Variants in TAFA1 observed in about 807,000 individuals in gnomAD.
TAFA1 encodes chemokine-like protein TAFA-1.
In TAFA1, 4 loss-of-function variants were observed where a neutral mutation model predicts 18.5. The ratio of observed to expected loss-of-function variants is 0.22; its 90% CI spans 0.11 to 0.49. The LOEUF is 0.49. Among genes scored for constraint, TAFA1 ranks in the 20% least tolerant of loss-of-function variants. TAFA1 has a pLI of 0.98. For synonymous variants in TAFA1, 56 were observed against 55.2 expected, an observed-to-expected ratio of 1.01 and a Z score of -0.06; for missense variants, 147 against 169.0, an observed-to-expected ratio of 0.87 and a Z score of 0.72.
At chr3:68,268,573 GAAA>G in intron 2 of TAFA1, among the ~76,000 whole-genome samples, 1 of 152,164 alleles carries the variant, frequency 6.6e-6, no homozygotes, top group African/African-American at 2.4e-5. Context: ...AATGAAAGGT[GAAA>G]GGGATAGCAA....
At chr3:68,369,368 A>C (rs1418470220) in intron 2 of TAFA1, among the ~76,000 whole-genome samples, 1 of 152,252 alleles carries the variant, frequency 6.6e-6, no homozygotes, top group Non-Finnish European at 1.5e-5. Context: ...CTGGCATTAT[A>C]TCTCAATACA....
intron 3 of TAFA1, among the ~76,000 whole-genome samples, chr3:68,520,186 C>G (rs1237313599): frequency 6.6e-6 from 1 of 152,060 alleles, no homozygotes; most frequent in Non-Finnish European, 1.5e-5. Flanking sequence ...AAATTCAGAG[C>G]ATGAGAAAAA....
intron 2 of TAFA1, among the ~76,000 whole-genome samples, chr3:68,216,751 A>T (rs1057318524): frequency 2.0e-5 from 3 of 152,078 alleles, no homozygotes; most frequent in Admixed American, 2.0e-4. Flanking sequence ...AAAAGGCTCA[A>T]AAAAGACATC....
chr3:68,495,998 C>CA lies in TAFA1; in HGVS notation c.260-42729dup, dbSNP rs199520960. On this transcript the variant is annotated intron_variant, in intron 3 of 4. Transcript: ENST00000478136. ...GATAGTGAACCTTCTTTCCCTGAAG[C>CA]AAAAAAAAAAAAAAAAAAAAAAAAA... Among the ~76,000 whole-genome samples, 212 of 107,492 alleles carry CA rather than the reference C, an allele frequency of 2.0e-3. 7 individuals are homozygous for CA. Among genetic ancestry groups the CA allele is most frequent in the Middle Eastern group, 5.4e-3 (1 of 184 alleles). The allele number at this position is 107,492 out of a possible 152,430, so 70.5% of individuals were successfully genotyped here.
intron 2 of TAFA1, among the ~76,000 whole-genome samples, chr3:68,171,521 C>G (rs2066053217): frequency 6.6e-6 from 1 of 151,726 alleles, no homozygotes; most frequent in Admixed American, 6.6e-5. Flanking sequence ...TTCAGAGTGT[C>G]CAGATTATAT....
chr3:68,348,394 A>G (rs1201866739), intron 2 of TAFA1, among the ~76,000 whole-genome samples: 2 of 152,146 alleles, frequency 1.3e-5, no homozygotes. Context: ...AGTCACATAC[A>G]ATGTCTAACC....
intron 2 of TAFA1, among the ~76,000 whole-genome samples, chr3:68,062,326 T>C (rs1037094650): frequency 1.3e-5 from 2 of 152,182 alleles, no homozygotes; most frequent in African/African-American, 4.8e-5. Context: ...GTAGTTGCCA[T>C]ATGGGGCTTC....
intron 2 of TAFA1, among the ~76,000 whole-genome samples, chr3:68,386,389 C>T (rs956665340): frequency 2.0e-5 from 3 of 151,868 alleles, no homozygotes; most frequent in South Asian, 2.1e-4. Context: ...GAGGTGGTTA[C>T]GAGTTTTTTT....
intron 2 of TAFA1, among the ~76,000 whole-genome samples, chr3:68,302,428 C>T (rs1344953450): frequency 2.0e-5 from 3 of 152,144 alleles, no homozygotes; most frequent in Non-Finnish European, 4.4e-5. Context: ...TCATACAGAA[C>T]GTTTCCAACA....
intron 2 of TAFA1, among the ~76,000 whole-genome samples, chr3:68,154,889 A>C (rs1336964079): frequency 6.6e-6 from 1 of 152,206 alleles, no homozygotes; most frequent in African/African-American, 2.4e-5. Context: ...CTTGGCTACC[A>C]TTCTGCAATG....
intron 4 of TAFA1, among the ~76,000 whole-genome samples, chr3:68,539,249 G>A (rs1056563053): frequency 2.0e-5 from 3 of 152,130 alleles, no homozygotes; most frequent in East Asian, 3.9e-4. Context: ...AAGGGTCTGC[G>A]TTTAAGTACA....
chr3:68,268,110 T>A (rs1345189178), intron 2 of TAFA1, among the ~76,000 whole-genome samples: 1 of 152,180 alleles, frequency 6.6e-6, no homozygotes, highest in Non-Finnish European at 1.5e-5. Context: ...GTTTTCAGAA[T>A]CATACTGTTA....
chr3:68,476,227 C>T (rs2106641655), intron 3 of TAFA1, among the ~76,000 whole-genome samples: 1 of 152,268 alleles, frequency 6.6e-6, no homozygotes, highest in African/African-American at 2.4e-5. Context: ...TCAGAGTGTA[C>T]AGGCAACCTA....
At chr3:68,152,337 A>C (rs2065815621) in intron 2 of TAFA1, among the ~76,000 whole-genome samples, 1 of 152,146 alleles carries the variant, frequency 6.6e-6, no homozygotes, top group Admixed American at 6.6e-5. Context: ...CAGTTTTCCC[A>C]AACCTCCCAG....
At chr3:68,475,150 A>G (rs888702920) in intron 3 of TAFA1, among the ~76,000 whole-genome samples, 1 of 151,372 alleles carries the variant, frequency 6.6e-6, no homozygotes, top group Non-Finnish European at 1.5e-5. Context: ...TTTTTTTTTA[A>G]TCTCTTTTTT....
At chr3:68,305,258 T>C (rs2068383186) in intron 2 of TAFA1, among the ~76,000 whole-genome samples, 1 of 151,130 alleles carries the variant, frequency 6.6e-6, no homozygotes, top group Admixed American at 6.6e-5. Context: ...TCTTGTTACA[T>C]AGCCACCAGT....
intron 2 of TAFA1, among the ~76,000 whole-genome samples, chr3:68,033,025 T>C (rs1704970910): frequency 6.6e-6 from 1 of 152,202 alleles, no homozygotes. Context: ...AGAACATTTA[T>C]ATATAAATGG....
At chr3:68,396,026 T>C (rs528914857) in intron 2 of TAFA1, among the ~76,000 whole-genome samples, 1 of 152,224 alleles carries the variant, frequency 6.6e-6, no homozygotes, top group South Asian at 2.1e-4. Context: ...TTCACCAACT[T>C]TGATATTAGC....
chr3:68,469,457 G>A (rs531725745), intron 3 of TAFA1, among the ~76,000 whole-genome samples: 14 of 152,096 alleles, frequency 9.2e-5, no homozygotes, highest in Admixed American at 6.6e-5. Flanking sequence ...GGTGGATCAC[G>A]AAGTCAGGAG....
Sources: gnomAD v4.1 joint callset for allele counts (sites outside exome capture counted in the v4.1 genomes callset) on GRCh38, gnomAD v4.1.1 for gene constraint, MANE v1.5 for transcripts, NCBI Gene and HGNC (gene_info 2026-07-23, HGNC 2026-07-21) for gene names.